Variants in SBF2 observed in about 807,000 individuals in gnomAD.
SBF2 encodes the protein myotubularin-related protein 13.
A neutral mutation model predicts 225.2 loss-of-function variants in SBF2; 112 were observed. The observed-to-expected ratio is 0.50, with a 90% CI of 0.43 to 0.58. SBF2 has a LOEUF of 0.58. Among genes scored for constraint, SBF2 ranks in the 20% least tolerant of loss-of-function variants. The probability of loss-of-function intolerance (pLI) is 0.00; values close to 1 mark genes in which losing one functional copy is unlikely to be tolerated. For missense variants in SBF2, 1,996 were observed against 2,206.2 expected (o/e 0.90, Z 1.91); for synonymous variants, 763 against 773.3 (o/e 0.99, Z 0.22).
At chr11:10,203,404 C>A (rs1957635630) in intron 1 of SBF2, among the ~76,000 whole-genome samples, 1 of 152,072 alleles carries the variant, frequency 6.6e-6, no homozygotes, top group Non-Finnish European at 1.5e-5. Context: ...AAAATTAACC[C>A]TAGATAAAAT....
intron 2 of SBF2, among the ~76,000 whole-genome samples, chr11:10,097,584 T>C (rs1052642223): frequency 6.6e-6 from 1 of 152,094 alleles, no homozygotes; most frequent in South Asian, 2.1e-4. Context: ...GATGTAGAAA[T>C]AGGAAATTTC....
chr11:9,963,702 T>A (rs1358134969), intron 15 of SBF2, 71 bp downstream of exon 15: 2 of 752,026 alleles, frequency 2.7e-6, no homozygotes, highest in Non-Finnish European at 4.7e-6. Flanking sequence ...AGAGAGAAGC[T>A]GGTAACCTCA....
intron 2 of SBF2, among the ~76,000 whole-genome samples, chr11:10,073,263 C>T (rs1950965414): frequency 6.6e-6 from 1 of 151,970 alleles, no homozygotes; most frequent in Non-Finnish European, 1.5e-5. Context: ...TATGTGTTTC[C>T]TATATCCCTT....
chr11:9,959,212 G>A, intron 16 of SBF2: 1 of 779,906 alleles, frequency 1.3e-6, no homozygotes, highest in Non-Finnish European at 2.4e-6. Flanking sequence ...CCACTGGGCA[G>A]GCATGACCTC....
At chr11:9,844,192 A>T (rs1262254730) in intron 24 of SBF2, among the ~76,000 whole-genome samples, 1 of 152,210 alleles carries the variant, frequency 6.6e-6, no homozygotes, top group Admixed American at 6.5e-5. Flanking sequence ...GTAAATCCCT[A>T]GGAACTTGCT....
chr11:9,972,891 T>A lies in SBF2; in HGVS notation c.1396-4346A>T, dbSNP rs1239419775. ...TTAATTTACAAGCTTGTAAAAAAGA[T>A]CATGTTAAAACAAAGTTCAAAGTTG... is the stretch of plus-strand genomic sequence containing the variant. On this transcript the variant is annotated intron_variant, in intron 13 of 39. Coordinates refer to ENST00000256190, the MANE Select transcript of SBF2 (RefSeq NM_030962.4). Among the ~76,000 whole-genome samples, 7 of 152,340 alleles carry A rather than the reference T, an allele frequency of 4.6e-5. No homozygotes were observed. The East Asian group carries it at 1.3e-3, about 29-fold the overall frequency.
rs796529238 is a variant in SBF2, at chr11:10,035,138, C to CT, written c.280-3969dup. Among the ~76,000 whole-genome samples the CT allele has an allele frequency of 2.5e-4, 38 of 151,114 alleles. 1 individual carries two copies. The highest frequency in any genetic ancestry group is 3.4e-3 in the Middle Eastern group (1 of 294). Reference sequence around the variant, plus strand: ...CGCCACCACGCCTGGCTAATTTTTTCTTTTTTTTTGTATTTTTAGTAGAGA... The same window carrying CT: ...CGCCACCACGCCTGGCTAATTTTTTCTTTTTTTTTTGTATTTTTAGTAGAGA... On this transcript the variant is annotated intron_variant, in intron 3 of 39. Coordinates refer to ENST00000256190, the MANE Select transcript of SBF2 (RefSeq NM_030962.4).
chr11:9,908,970 G>T (rs1590402769), intron 16 of SBF2, among the ~76,000 whole-genome samples: 1 of 151,440 alleles, frequency 6.6e-6, no homozygotes. Flanking sequence ...TTACAGATGT[G>T]AGCCATCATA....
At chr11:10,179,441 A>T (rs1956636939) in intron 2 of SBF2, among the ~76,000 whole-genome samples, 1 of 152,106 alleles carries the variant, frequency 6.6e-6, no homozygotes, top group Admixed American at 6.5e-5. Context: ...TTTGTCACCT[A>T]ATGTATGGCC....
chr11:10,166,990 A>C lies in SBF2; in HGVS notation c.141+26912T>G, dbSNP rs181705994. Reference sequence around the variant, plus strand: ...ACACACACACACACACACACACACAAAAAGGCTACTAATTGAAAAGTTCAG... The same window carrying C: ...ACACACACACACACACACACACACACAAAGGCTACTAATTGAAAAGTTCAG... On this transcript the variant is annotated intron_variant, in intron 2 of 39. Transcript: ENST00000256190. 2.3e-3 allele frequency among the ~76,000 whole-genome samples: 333 copies of C among 146,006 alleles called. 1 individual carries two copies. The highest frequency in any genetic ancestry group is 0.01 in the Middle Eastern group (3 of 288).
chr11:9,796,009 G>A, intron 32 of SBF2, 52 bp from the exon 33 acceptor site: 1 of 1,595,566 alleles, frequency 6.3e-7, no homozygotes, highest in Non-Finnish European at 8.5e-7. Context: ...AACAAAAAGT[G>A]GATGCCAGGC....
At chr11:10,277,152 A>G (rs1963019052) in intron 1 of SBF2, among the ~76,000 whole-genome samples, 1 of 150,646 alleles carries the variant, frequency 6.6e-6, no homozygotes, top group South Asian at 2.1e-4. Context: ...AAAAAAAAAA[A>G]AAAAGGCCTG....
chr11:9,918,672 C>T (rs1190362491), intron 16 of SBF2, among the ~76,000 whole-genome samples: 2 of 151,926 alleles, frequency 1.3e-5, no homozygotes, highest in East Asian at 3.9e-4. Context: ...CGCCTGGCCC[C>T]TTTGCCTTCT....
rs139010129 is a variant in SBF2, at chr11:10,302,108, G to C, written n.386+2384C>G. ...TACAATCACTGCCACTTGAATGGAT[G>C]CAACTTATGTTAATAAATTGCCAGG... On this transcript the variant is annotated intron_variant and non_coding_transcript_variant, in intron 1 of 5. Coordinates refer to the SBF2 transcript ENST00000685217. Among the ~76,000 whole-genome samples the C allele has an allele frequency of 1.4e-4, 22 of 152,152 alleles. No individual in the cohort carries two copies. The East Asian group carries it at 4.2e-3, about 29-fold the overall frequency.
At chr11:10,287,390 T>A (rs1398579769) in intron 1 of SBF2, among the ~76,000 whole-genome samples, 1 of 151,940 alleles carries the variant, frequency 6.6e-6, no homozygotes, top group Non-Finnish European at 1.5e-5. Flanking sequence ...CAAGCAGTCC[T>A]CCCATCTTAG....
At chr11:10,131,637 T>G (rs1954059028) in intron 2 of SBF2, among the ~76,000 whole-genome samples, 2 of 152,158 alleles carry the variant, frequency 1.3e-5, no homozygotes, top group Admixed American at 1.3e-4. Context: ...TTTCTCCATG[T>G]TGGTCAGGCT....
In SBF2 at chr11:9,932,971, A is replaced by C. The variant is rs796445354; in HGVS notation, c.1860+28986T>G. 3.1e-3 allele frequency among the ~76,000 whole-genome samples: 359 copies of C among 116,974 alleles called. 3 individuals are homozygous for C. Among genetic ancestry groups the C allele is most frequent in the African/African-American group, 7.5e-3 (284 of 37,714 alleles). The allele number at this position is 116,974 out of a possible 152,430, so 76.7% of individuals were successfully genotyped here. On this transcript the variant is annotated intron_variant, in intron 16 of 39. Transcript: ENST00000256190. Reference sequence around the variant, plus strand: ...CAAACGAAAAGCAAAAAAAAAAAAAAAAAAAAAAAAAAAAAACAGGTGTTG... The same window carrying C: ...CAAACGAAAAGCAAAAAAAAAAAAACAAAAAAAAAAAAAAAACAGGTGTTG...
In SBF2 at chr11:9,844,227, A is replaced by G. The variant is rs76965143; in HGVS notation, c.3110+1338T>C. On this transcript the variant is annotated intron_variant, in intron 24 of 39. Coordinates refer to ENST00000256190, the MANE Select transcript of SBF2 (RefSeq NM_030962.4). ...TCATGCTTCAGCATACCATACCTGG[A>G]TATTACCTGGTAAGCAAAGCTAGAC... Among the ~76,000 whole-genome samples the G allele has an allele frequency of 2.2e-3, 340 of 152,322 alleles. 1 individual carries two copies. Among genetic ancestry groups the G allele is most frequent in the African/African-American group, 7.8e-3 (324 of 41,566 alleles).
chr11:9,832,196 G>T, intron 27 of SBF2, 28 bp downstream of exon 27: 1 of 1,584,804 alleles, frequency 6.3e-7, no homozygotes, highest in Non-Finnish European at 8.7e-7. Flanking sequence ...GTGAACGGGT[G>T]GTAATTGTGT....
Sources: allele counts gnomAD v4.1 joint callset (sites outside exome capture counted in the v4.1 genomes callset), GRCh38; gene constraint gnomAD v4.1.1; transcripts MANE v1.5; gene names NCBI Gene and HGNC (gene_info 2026-07-23, HGNC 2026-07-21).